The following CNTNAP5 variants were observed in gnomAD, a reference collection of about 807,000 sequenced individuals.
CNTNAP5 encodes the protein contactin-associated protein-like 5.
Under a neutral mutation model 150.2 loss-of-function variants are expected in CNTNAP5, and 72 were observed. That is an observed-to-expected ratio of 0.48 (90% confidence interval 0.40 to 0.58). The LOEUF (loss-of-function observed/expected upper bound fraction) is 0.58, where lower values mean the gene tolerates loss of function less well. Ranked by LOEUF, CNTNAP5 falls within the 20% of genes least tolerant of loss-of-function variation. CNTNAP5 has a pLI of 0.00. For synonymous variants in CNTNAP5, 672 were observed against 619.8 expected (o/e 1.08, Z -1.25); for missense variants, 1,636 against 1,626.2 (o/e 1.01, Z -0.10).
chr2:124,408,551 TG>T (rs1691657414), intron 3 of CNTNAP5, among the ~76,000 whole-genome samples: 6 of 152,012 alleles, frequency 3.9e-5, no homozygotes, highest in African/African-American at 1.2e-4. Flanking sequence ...ACGGGCAGAC[TG>T]CCTCCTCAAG....
chr2:124,167,199 C>G (rs750621373), intron 1 of CNTNAP5, among the ~76,000 whole-genome samples: 1 of 152,136 alleles, frequency 6.6e-6, no homozygotes, highest in Non-Finnish European at 1.5e-5. Context: ...GAAGACTTTA[C>G]TTTTAAGTGA....
intron 2 of CNTNAP5, among the ~76,000 whole-genome samples, chr2:124,233,833 A>G (rs1686682303): frequency 6.6e-6 from 1 of 151,306 alleles, no homozygotes; most frequent in African/African-American, 2.4e-5. Context: ...GTAGACACTA[A>G]CCATACTATT....
intron 1 of CNTNAP5, among the ~76,000 whole-genome samples, chr2:124,059,226 T>C (rs937023652): frequency 2.0e-5 from 3 of 152,348 alleles, no homozygotes; most frequent in East Asian, 1.9e-4. Flanking sequence ...ATTATTAAAA[T>C]TTCCAAAAAC....
rs142344951 is a variant in CNTNAP5, at chr2:124,518,138, A to T, written c.1328-6165A>T. On this transcript the variant is annotated intron_variant, in intron 8 of 23. Coordinates refer to ENST00000682447, the MANE Select transcript of CNTNAP5 (RefSeq NM_001367498.1). ...GTTGAGGAACCCCACTTTAAGCCCA[A>T]ACCCTACTCTTGTAAAACAAATTTA... Among the ~76,000 whole-genome samples the T allele has an allele frequency of 2.6e-3, 399 of 152,280 alleles. 4 individuals are homozygous for T. Among genetic ancestry groups the T allele is most frequent in the African/African-American group, 9.0e-3 (372 of 41,544 alleles).
chr2:124,428,917 ATCTGCCATAAAGAGCCCATG>A, intron 4 of CNTNAP5, among the ~76,000 whole-genome samples: 1 of 152,154 alleles, frequency 6.6e-6, no homozygotes. Flanking sequence ...CACATTTCCC[ATCTGCCATAAAGAGCCCATG>A]TCTACCCTTT....
intron 1 of CNTNAP5, among the ~76,000 whole-genome samples, chr2:124,082,459 T>A (rs1047239903): frequency 6.6e-6 from 1 of 151,998 alleles, no homozygotes; most frequent in South Asian, 2.1e-4. Context: ...AAGTATCAAC[T>A]ATTTATTTTT....
intron 1 of CNTNAP5, among the ~76,000 whole-genome samples, chr2:124,121,652 A>G (rs1270908442): frequency 6.6e-6 from 1 of 152,146 alleles, no homozygotes; most frequent in Non-Finnish European, 1.5e-5. Flanking sequence ...TGGGAAAATT[A>G]TGAGGTATTT....
At chr2:124,663,698 G>C (rs539100956) in intron 13 of CNTNAP5, among the ~76,000 whole-genome samples, 1 of 152,248 alleles carries the variant, frequency 6.6e-6, no homozygotes, top group African/African-American at 2.4e-5. Flanking sequence ...AGTAAATGAA[G>C]AGAGATTCTC....
At chr2:124,160,272 C>G (rs73954572) in intron 1 of CNTNAP5, among the ~76,000 whole-genome samples, 1,568 of 152,248 alleles carry the variant, frequency 0.01, 28 homozygotes, top group African/African-American at 0.036. Flanking sequence ...TATTATTTCA[C>G]TCTTTTATAA....
At chr2:124,321,216 C>A (rs765820995) in intron 3 of CNTNAP5, among the ~76,000 whole-genome samples, 1 of 151,986 alleles carries the variant, frequency 6.6e-6, no homozygotes, top group African/African-American at 2.4e-5. Flanking sequence ...CCGAGGCAGG[C>A]GGATCGCCTG....
At chr2:124,193,501 T>G (rs1685506165) in intron 1 of CNTNAP5, among the ~76,000 whole-genome samples, 1 of 152,178 alleles carries the variant, frequency 6.6e-6, no homozygotes, top group African/African-American at 2.4e-5. Context: ...TGAGGGAAAG[T>G]CTGAACAGCA....
At chr2:124,408,568 C>T (rs1320895052) in intron 3 of CNTNAP5, among the ~76,000 whole-genome samples, 11 of 151,766 alleles carry the variant, frequency 7.2e-5, no homozygotes, top group Non-Finnish European at 1.2e-4. Flanking sequence ...TCAAGTGGGT[C>T]CCTGACCCCT....
chr2:124,081,185 C>A (rs1406517222), intron 1 of CNTNAP5, among the ~76,000 whole-genome samples: 3 of 151,084 alleles, frequency 2.0e-5, no homozygotes, highest in Non-Finnish European at 4.4e-5. Flanking sequence ...TTTTCTAATA[C>A]ACACTTAAAT....
At chr2:124,630,274 A>G (rs1174715061) in intron 12 of CNTNAP5, among the ~76,000 whole-genome samples, 1 of 152,144 alleles carries the variant, frequency 6.6e-6, no homozygotes, top group Non-Finnish European at 1.5e-5. Flanking sequence ...AAAACAAAAA[A>G]GAAAACTTCA....
intron 13 of CNTNAP5, among the ~76,000 whole-genome samples, chr2:124,653,327 A>G (rs1678361115): frequency 6.6e-6 from 1 of 152,018 alleles, no homozygotes; most frequent in South Asian, 2.1e-4. Flanking sequence ...AACTGACTAT[A>G]TATACCATAC....
intron 3 of CNTNAP5, among the ~76,000 whole-genome samples, chr2:124,389,969 A>C: frequency 8.9e-6 from 1 of 112,598 alleles, no homozygotes; most frequent in Admixed American, 1.0e-4. Context: ...TCTCCAAAAT[A>C]ATAATAGTAA....
At chr2:124,836,797 G>T (rs183610204) in intron 19 of CNTNAP5, among the ~76,000 whole-genome samples, 1 of 152,022 alleles carries the variant, frequency 6.6e-6, no homozygotes, top group African/African-American at 2.4e-5. Flanking sequence ...TGCCCAGAGA[G>T]GTCATAATCC....
intron 6 of CNTNAP5, among the ~76,000 whole-genome samples, chr2:124,466,561 C>T (rs1358047223): frequency 6.6e-6 from 1 of 152,098 alleles, no homozygotes; most frequent in Admixed American, 6.6e-5. Flanking sequence ...TTAAGTGAAT[C>T]GAATTTGTAC....
chr2:124,688,962 T>C (rs1307037151), intron 13 of CNTNAP5, among the ~76,000 whole-genome samples: 2 of 152,118 alleles, frequency 1.3e-5, no homozygotes, highest in African/African-American at 4.8e-5. Flanking sequence ...ATTTTGATAA[T>C]AGCAGGCAGA....
Sources: gnomAD v4.1 joint callset for allele counts (sites outside exome capture counted in the v4.1 genomes callset) on GRCh38, gnomAD v4.1.1 for gene constraint, MANE v1.5 for transcripts, NCBI Gene and HGNC (gene_info 2026-07-23, HGNC 2026-07-21) for gene names.